Variants in EEPD1 observed in about 807,000 individuals in gnomAD.
EEPD1 encodes endonuclease/exonuclease/phosphatase family domain containing 1.
EEPD1 carries 17 observed loss-of-function variants against 46.3 expected under a neutral mutation model. That is an observed-to-expected ratio of 0.37 (90% confidence interval 0.25 to 0.55). EEPD1 has a LOEUF of 0.55. EEPD1 is among the 20% of genes least tolerant of loss of function. The pLI, the probability that EEPD1 is intolerant of heterozygous loss-of-function variation, is 0.83. For missense variants in EEPD1, 673 were observed against 745.6 expected (o/e 0.90, Z 1.13); for synonymous variants, 313 against 315.6 (o/e 0.99, Z 0.09).
At chr7:36,163,132 G>T (rs1303809831) in intron 2 of EEPD1, among the ~76,000 whole-genome samples, 1 of 150,960 alleles carries the variant, frequency 6.6e-6, no homozygotes, top group African/African-American at 2.4e-5. Flanking sequence ...TTTCTTGAAT[G>T]GGAAAAAGCC....
intron 3 of EEPD1, among the ~76,000 whole-genome samples, chr7:36,250,257 C>G (rs1786713552): frequency 6.6e-6 from 1 of 152,168 alleles, no homozygotes; most frequent in Non-Finnish European, 1.5e-5. Context: ...AATTACATAA[C>G]TTTTTTTCCA....
intron 3 of EEPD1, among the ~76,000 whole-genome samples, chr7:36,273,673 T>C (rs941799751): frequency 5.1e-4 from 77 of 152,142 alleles, no homozygotes; most frequent in African/African-American, 1.9e-3. Flanking sequence ...CCCAGAGTTC[T>C]AGAATCATGC....
chr7:36,279,106 C>T (rs576026957), intron 3 of EEPD1, among the ~76,000 whole-genome samples: 2 of 151,984 alleles, frequency 1.3e-5, no homozygotes, highest in South Asian at 2.1e-4. Context: ...CCCGCATCCC[C>T]GACCCCCTTC....
At chr7:36,204,735 C>T (rs1329772194) in intron 2 of EEPD1, among the ~76,000 whole-genome samples, 1 of 152,178 alleles carries the variant, frequency 6.6e-6, no homozygotes, top group Non-Finnish European at 1.5e-5. Flanking sequence ...TGCACCTCTT[C>T]CCCCTCTATA....
chr7:36,158,176 C>CT (rs1299755730), intron 2 of EEPD1, among the ~76,000 whole-genome samples: 1 of 152,180 alleles, frequency 6.6e-6, no homozygotes, highest in East Asian at 1.9e-4. Context: ...TGACATGACT[C>CT]TATCAGGCAG....
At chr7:36,218,399 TA>T (rs34209801) in intron 2 of EEPD1, among the ~76,000 whole-genome samples, 2 of 150,732 alleles carry the variant, frequency 1.3e-5, no homozygotes, top group African/African-American at 2.4e-5. Context: ...AGGAAAAAAC[TA>T]AAAAAAAAAT....
intron 2 of EEPD1, among the ~76,000 whole-genome samples, chr7:36,223,017 G>T (rs1197232791): frequency 1.3e-5 from 2 of 152,064 alleles, no homozygotes; most frequent in Non-Finnish European, 2.9e-5. Context: ...CAGGCGTGGT[G>T]GCGGGTGCCT....
At chr7:36,252,149 A>G (rs1054019108) in intron 3 of EEPD1, among the ~76,000 whole-genome samples, 8 of 152,224 alleles carry the variant, frequency 5.3e-5, no homozygotes, top group African/African-American at 1.9e-4. Flanking sequence ...TATAGAAAAA[A>G]AGAACAGAAG....
intron 2 of EEPD1, among the ~76,000 whole-genome samples, chr7:36,236,428 G>T (rs530781491): frequency 2.6e-5 from 4 of 152,226 alleles, no homozygotes; most frequent in African/African-American, 9.6e-5. Context: ...GTGGACCGCC[G>T]TTCCCTCTTC....
intron 4 of EEPD1, 79 bp from the exon 5 acceptor site, chr7:36,284,607 C>T (rs975492540): frequency 2.0e-6 from 3 of 1,518,050 alleles, no homozygotes; most frequent in African/African-American, 2.8e-5. Context: ...GCCTCTCGGT[C>T]TCTCTGGCCT....
At chr7:36,249,317 C>T (rs1056773956) in intron 3 of EEPD1, among the ~76,000 whole-genome samples, 1 of 152,130 alleles carries the variant, frequency 6.6e-6, no homozygotes, top group African/African-American at 2.4e-5. Context: ...CTGGGGAGGG[C>T]AGGTGACATG....
At chr7:36,244,941 G>A (rs1437264930) in intron 3 of EEPD1, among the ~76,000 whole-genome samples, 1 of 140,676 alleles carries the variant, frequency 7.1e-6, no homozygotes, top group African/African-American at 2.6e-5. Flanking sequence ...CCCGGCTAAT[G>A]TTTTTTTTTT....
intron 2 of EEPD1, among the ~76,000 whole-genome samples, chr7:36,206,082 G>T (rs139375004): frequency 5.8e-4 from 88 of 152,316 alleles, no homozygotes; most frequent in Non-Finnish European, 1.1e-3. Context: ...CCCACCCACA[G>T]AAGCTTTCCT....
intron 2 of EEPD1, among the ~76,000 whole-genome samples, chr7:36,168,706 G>A (rs770373000): frequency 1.4e-4 from 21 of 149,144 alleles, no homozygotes; most frequent in African/African-American, 2.0e-4. Flanking sequence ...TGCAGTGAGC[G>A]AAGATTGTGC....
chr7:36,278,850 A>T (rs1403005126), intron 3 of EEPD1, among the ~76,000 whole-genome samples: 1 of 152,124 alleles, frequency 6.6e-6, no homozygotes, highest in Non-Finnish European at 1.5e-5. Flanking sequence ...ATCCAGGGTA[A>T]AACCCCACCC....
chr7:36,185,566 A>G (rs1239949387), intron 2 of EEPD1, among the ~76,000 whole-genome samples: 1 of 116,926 alleles, frequency 8.6e-6, no homozygotes, highest in Non-Finnish European at 1.8e-5. Flanking sequence ...TCACACTGGT[A>G]TGAGGCATCC....
At chr7:36,204,755 G>C (rs1583807614) in intron 2 of EEPD1, among the ~76,000 whole-genome samples, 1 of 152,156 alleles carries the variant, frequency 6.6e-6, no homozygotes, top group African/African-American at 2.4e-5. Flanking sequence ...ATTCCGGAAG[G>C]CCTCCCGGAG....
chr7:36,241,575 T>C (rs181965284), intron 3 of EEPD1, among the ~76,000 whole-genome samples: 11 of 151,794 alleles, frequency 7.2e-5, no homozygotes, highest in Non-Finnish European at 2.9e-5. Context: ...GTGCCAAAAA[T>C]AACAGTTATG....
At chr7:36,267,149 T>A (rs1321290834) in intron 3 of EEPD1, among the ~76,000 whole-genome samples, 2 of 152,220 alleles carry the variant, frequency 1.3e-5, no homozygotes, top group Non-Finnish European at 2.9e-5. Flanking sequence ...GCTACTCACC[T>A]CTGTTACTGC....
Sources: gnomAD v4.1 joint callset for allele counts (sites outside exome capture counted in the v4.1 genomes callset) on GRCh38, gnomAD v4.1.1 for gene constraint, MANE v1.5 for transcripts, NCBI Gene and HGNC (gene_info 2026-07-23, HGNC 2026-07-21) for gene names.